PITRM1: variants seen among roughly 807,000 people sequenced by gnomAD.
The protein encoded by PITRM1 is pitrilysin metallopeptidase 1.
In PITRM1, 100 loss-of-function variants were observed where a neutral mutation model predicts 129.9. That is an observed-to-expected ratio of 0.77 (90% confidence interval 0.65 to 0.91). The LOEUF (loss-of-function observed/expected upper bound fraction) is 0.91. Among genes scored for constraint, PITRM1 ranks in the 40% least tolerant of loss-of-function variants. PITRM1 has a pLI of 0.00. For missense variants in PITRM1, 1,471 were observed against 1,318.3 expected, an observed-to-expected ratio of 1.12 and a Z score of -1.79; for synonymous variants, 591 against 508.8, an observed-to-expected ratio of 1.16 and a Z score of -2.17.
At chr10:3,148,135 T>A in intron 17 of PITRM1, 36 bp downstream of exon 17, 1 of 1,613,774 alleles carries the variant, frequency 6.2e-7, no homozygotes, top group Non-Finnish European at 8.5e-7. Flanking sequence ...GAGAAAAGCT[T>A]CCCACCGCAG....
chr10:3,143,894 C>G (rs1278616252), intron 22 of PITRM1: 2 of 527,180 alleles, frequency 3.8e-6, no homozygotes, highest in East Asian at 4.3e-5. Context: ...GGAACCAAAC[C>G]AAACAGCATC....
chr10:3,150,256 C>G (rs964461344), intron 15 of PITRM1, among the ~76,000 whole-genome samples: 8 of 152,150 alleles, frequency 5.3e-5, no homozygotes, highest in Admixed American at 5.2e-4. Flanking sequence ...CCTAGCAGAG[C>G]ACCCTAGACC....
intron 2 of PITRM1, among the ~76,000 whole-genome samples, chr10:3,167,282 A>AGAGAGCGAGCGAGCGAGCGAGCGC (rs1842949516): frequency 1.3e-5 from 1 of 79,256 alleles, no homozygotes; most frequent in Non-Finnish European, 2.9e-5. Context: ...AGAAAGAGAG[A>AGAGAGCGAGCGAGCGAGCGAGCGC]GAGAGCGAGC....
intron 1 of PITRM1, among the ~76,000 whole-genome samples, 194 bp downstream of exon 1, chr10:3,172,523 G>A (rs1047834649): frequency 2.6e-5 from 4 of 152,174 alleles, no homozygotes; most frequent in Non-Finnish European, 5.9e-5. Context: ...GGAGTAGGAA[G>A]GAGCTCCGAG....
intron 14 of PITRM1, among the ~76,000 whole-genome samples, chr10:3,152,453 G>A (rs966304020): frequency 1.3e-5 from 2 of 152,220 alleles, no homozygotes; most frequent in Admixed American, 6.5e-5. Flanking sequence ...TTCCCCGAGA[G>A]CGTGCCACGC....
chr10:3,172,838 G>A (rs1218764041), upstream of PITRM1: 4 of 1,489,822 alleles, frequency 2.7e-6, no homozygotes, highest in East Asian at 2.5e-5. Flanking sequence ...GCGGGGCGGG[G>A]CTTGCCGTGA....
rs746984844 is a variant in PITRM1 at position 3,158,048 on chromosome 10, T to A, written c.1242A>T (p.Glu414Asp). 1.6e-5 allele frequency: 26 copies of A among 1,589,938 alleles called. No homozygotes were observed. Residue 414 changes from glutamate to aspartate, a missense_variant, in exon 11 of 27, where the codon GAA (glutamate) becomes GAT (aspartate). Physicochemically the swap from Glu to Asp is conservative, Grantham distance 45 (BLOSUM62 2). Coordinates refer to ENST00000224949, the MANE Select transcript of PITRM1 (RefSeq NM_014889.4). ...VRSLIDRTID[E>D]VVEKGFEDDR... ...AAACAAGCTACACTCACTCAACTACTTCATCAATCGTTCTGTCTATGAGGC... is the reference window on the plus strand; with the variant it reads ...AAACAAGCTACACTCACTCAACTACATCATCAATCGTTCTGTCTATGAGGC...
chr10:3,139,491 T>A (rs1467396901), intron 24 of PITRM1, among the ~76,000 whole-genome samples: 1 of 151,832 alleles, frequency 6.6e-6, no homozygotes, highest in Non-Finnish European at 1.5e-5. Context: ...CAGACTTCCC[T>A]TCGTGTAAAT....
intron 22 of PITRM1, 87 bp downstream of exon 22, chr10:3,144,205 C>T (rs1420412579): frequency 1.7e-5 from 13 of 755,790 alleles, no homozygotes; most frequent in East Asian, 2.7e-5. Flanking sequence ...GACAGGCGGA[C>T]GGAGGAACAT....
intron 7 of PITRM1, chr10:3,162,982 G>GA (rs1181676547): frequency 6.6e-6 from 1 of 152,198 alleles, no homozygotes; most frequent in Non-Finnish European, 1.5e-5. Context: ...GCTCATGTAA[G>GA]AAAAAATCCT....
rs1462381015 is a variant in PITRM1 at position 3,157,308 on chromosome 10, T to TTTAAATGGGTA, written c.1347+126_1347+127insTACCCATTTAA. ...GTTTAGGAAATAACCAACAGATTAC[T>TTTAAATGGGTA]AGTTATAAACCCTTACCCATTTAAA... On this transcript the variant is annotated intron_variant, in intron 12 of 26. Transcript: ENST00000224949. 7.8e-6 allele frequency: 5 copies of TTTAAATGGGTA among 640,158 alleles called. No individual in the cohort carries two copies. In the African/African-American group the frequency reaches 9.4e-5, roughly 12 times the overall value. 39.7% of individuals were successfully genotyped at this position (640,158 alleles called of 1,614,324 possible). A position where few individuals can be genotyped will look rare whatever the true frequency, so the allele number is the denominator to read the frequency against.
intron 14 of PITRM1, among the ~76,000 whole-genome samples, chr10:3,155,097 G>A (rs1419441550): frequency 6.6e-6 from 1 of 152,194 alleles, no homozygotes. Context: ...AGAGCCACAG[G>A]GCACACCTGT....
intron 2 of PITRM1, chr10:3,167,914 A>C (rs1843008836): frequency 6.6e-6 from 1 of 152,032 alleles, no homozygotes; most frequent in African/African-American, 2.4e-5. Context: ...AAATGCCCAC[A>C]AGACAGACGA....
rs189083813 is a variant in PITRM1 at position 3,139,762 on chromosome 10, A to G, written c.2772-713T>C. ...CTGCAGTTTCAACCTCCCCAGGCTC[A>G]AGGGATCCTCCCGCCTTAGCCTCCT... On this transcript the variant is annotated intron_variant, in intron 24 of 26. Coordinates refer to ENST00000224949, the MANE Select transcript of PITRM1 (RefSeq NM_014889.4). Among the ~76,000 whole-genome samples, 861 of 152,326 alleles carry G rather than the reference A, an allele frequency of 5.7e-3. 6 individuals are homozygous for G. The highest frequency in any genetic ancestry group is 0.02 in the African/African-American group (831 of 41,570).
chr10:3,143,770 C>G, intron 22 of PITRM1: 1 of 669,314 alleles, frequency 1.5e-6, no homozygotes, highest in Admixed American at 2.1e-5. Context: ...GATGCCTTAA[C>G]GTATACTGTT....
chr10:3,172,374 A>G (rs1843454880), intron 1 of PITRM1, among the ~76,000 whole-genome samples: 1 of 152,172 alleles, frequency 6.6e-6, no homozygotes, highest in South Asian at 2.1e-4. Context: ...CCCAACAAAA[A>G]TGAACTAGGA....
intron 20 of PITRM1, 90 bp downstream of exon 20, chr10:3,147,060 T>C (rs2132391766): frequency 1.5e-6 from 1 of 652,182 alleles, no homozygotes; most frequent in Non-Finnish European, 2.6e-6. Context: ...CCAAGCACTC[T>C]ATCTTGAAGT....
intron 24 of PITRM1, among the ~76,000 whole-genome samples, chr10:3,139,250 T>C (rs2279221): frequency 0.7 from 106,415 of 152,146 alleles, 37,271 homozygotes; most frequent in East Asian, 0.74. Flanking sequence ...CCTTTCAACA[T>C]GTTCTCCCTC....
intron 13 of PITRM1, among the ~76,000 whole-genome samples, chr10:3,155,969 TCTA>T (rs1324869598): frequency 6.6e-6 from 1 of 152,238 alleles, no homozygotes; most frequent in African/African-American, 2.4e-5. Flanking sequence ...ATGCTGTTAT[TCTA>T]CTGTTATTAT....
Sources: allele counts gnomAD v4.1 joint callset (sites outside exome capture counted in the v4.1 genomes callset), GRCh38; gene constraint gnomAD v4.1.1; transcripts MANE v1.5; gene names NCBI Gene and HGNC (gene_info 2026-07-23, HGNC 2026-07-21).